The following HIKESHI variants were observed in gnomAD, a reference collection of about 807,000 sequenced individuals.
HIKESHI encodes the protein heat shock protein nuclear import factor hikeshi, also known as protein Hikeshi.
A neutral mutation model predicts 25.7 loss-of-function variants in HIKESHI; 13 were observed. The ratio of observed to expected loss-of-function variants is 0.51; its 90% CI spans 0.33 to 0.80. HIKESHI has a LOEUF of 0.80. Ranked by LOEUF, HIKESHI falls within the 30% of genes least tolerant of loss-of-function variation. The pLI is 0.02. For missense variants in HIKESHI, 174 were observed against 229.5 expected (o/e 0.76, Z 1.56); for synonymous variants, 76 against 78.7 (o/e 0.97, Z 0.18).
rs1440493611 is a variant in HIKESHI at position 86,302,405 on chromosome 11, C to T, written c.-44C>T. The T allele has an allele frequency of 6.4e-7, 1 of 1,550,826 alleles. No individual in the cohort carries two copies. Among genetic ancestry groups the T allele is most frequent in the East Asian group, 2.4e-5 (1 of 40,938 alleles). On this transcript the variant is annotated 5_prime_UTR_variant, in exon 1 of 5. Transcript: ENST00000278483. Reference sequence around the variant, plus strand: ...GGGCAGTAGCCCCAGGACTCCTAGTCGCCGGCTTCAGGTCACTGCCGGCTG... The same window carrying T: ...GGGCAGTAGCCCCAGGACTCCTAGTTGCCGGCTTCAGGTCACTGCCGGCTG...
intron 2 of HIKESHI, among the ~76,000 whole-genome samples, chr11:86,335,378 T>C (rs1344920965): frequency 6.6e-6 from 1 of 152,144 alleles, no homozygotes; most frequent in Non-Finnish European, 1.5e-5. Flanking sequence ...CCAGAAAGGT[T>C]GGGAATGAGA....
chr11:86,334,236 ATGTGTGTGTGTGTGTGTGTG>A (rs60951435), intron 2 of HIKESHI, among the ~76,000 whole-genome samples: 3 of 147,000 alleles, frequency 2.0e-5, no homozygotes, highest in Non-Finnish European at 3.0e-5. Flanking sequence ...TTTGTAAAAT[ATGTGTGTGTGTGTGTGTGTG>A]TGTGTGTGTG....
chr11:86,326,134 C>CT (rs1947276938), intron 2 of HIKESHI, among the ~76,000 whole-genome samples: 1 of 152,052 alleles, frequency 6.6e-6, no homozygotes, highest in Non-Finnish European at 1.5e-5. Flanking sequence ...CCTGTCTCTA[C>CT]TAAAAATACA....
intron 2 of HIKESHI, among the ~76,000 whole-genome samples, chr11:86,321,364 A>G (rs943106712): frequency 6.6e-6 from 1 of 152,164 alleles, no homozygotes. Flanking sequence ...TTTTTGGCTC[A>G]TAAAAATAAA....
chr11:86,312,443 C>T (rs1263450132), intron 2 of HIKESHI, among the ~76,000 whole-genome samples: 1 of 152,052 alleles, frequency 6.6e-6, no homozygotes, highest in Admixed American at 6.6e-5. Flanking sequence ...TTATTTTGAG[C>T]CTATGTGTGT....
intron 2 of HIKESHI, among the ~76,000 whole-genome samples, chr11:86,316,771 C>CTTTCTTTTTTTT (rs1946991963): frequency 1.5e-5 from 1 of 68,778 alleles, no homozygotes; most frequent in Admixed American, 1.9e-4. Context: ...CTGAAACATT[C>CTTTCTTTTTTTT]TTTTTTTTTT....
At chr11:86,344,910 T>C in intron 4 of HIKESHI, 189 bp downstream of exon 4, 1 of 535,716 alleles carries the variant, frequency 1.9e-6, no homozygotes, top group Non-Finnish European at 3.2e-6. Context: ...TTTTGTTATA[T>C]TGTCGCCATT....
At chr11:86,308,408 C>T (rs982219483) in intron 2 of HIKESHI, among the ~76,000 whole-genome samples, 2 of 143,548 alleles carry the variant, frequency 1.4e-5, no homozygotes, top group African/African-American at 2.5e-5. Flanking sequence ...CACACATACA[C>T]GTGCTAAGTG....
At chr11:86,332,017 G>C (rs1275772994) in intron 2 of HIKESHI, among the ~76,000 whole-genome samples, 1 of 135,746 alleles carries the variant, frequency 7.4e-6, no homozygotes, top group Admixed American at 8.0e-5. Context: ...GTCTTGCTCT[G>C]TCGCTCAGGC....
chr11:86,330,190 A>G lies in HIKESHI; in HGVS notation c.269-7189A>G, dbSNP rs116424313. ...ATTGTTAACTTTTCACAGTGTTCCA[A>G]GAATTAATATTACAGAAATAAATGT... On this transcript the variant is annotated intron_variant, in intron 2 of 4. Coordinates refer to ENST00000278483, the MANE Select transcript of HIKESHI (RefSeq NM_016401.4). Among the ~76,000 whole-genome samples the G allele has an allele frequency of 5.0e-3, 758 of 152,288 alleles. 7 individuals carry two copies. Among genetic ancestry groups the G allele is most frequent in the African/African-American group, 0.017 (706 of 41,560 alleles).
chr11:86,329,176 A>G (rs1189798112), intron 2 of HIKESHI, among the ~76,000 whole-genome samples: 1 of 130,088 alleles, frequency 7.7e-6, no homozygotes, highest in East Asian at 2.1e-4. Flanking sequence ...TTTAAAAGGA[A>G]AACGTGATGA....
At chr11:86,327,315 T>C (rs1947307439) in intron 2 of HIKESHI, among the ~76,000 whole-genome samples, 1 of 146,848 alleles carries the variant, frequency 6.8e-6, no homozygotes, top group African/African-American at 2.5e-5. Context: ...CTGGTTTTCC[T>C]TTTTTTTTTT....
At chr11:86,317,265 G>A (rs913067913) in intron 2 of HIKESHI, among the ~76,000 whole-genome samples, 1 of 152,172 alleles carries the variant, frequency 6.6e-6, no homozygotes, top group Non-Finnish European at 1.5e-5. Context: ...AAGAGGTTCA[G>A]TGAGCGGAGA....
chr11:86,344,858 G>A, intron 4 of HIKESHI, 137 bp downstream of exon 4: 2 of 609,548 alleles, frequency 3.3e-6, no homozygotes, highest in Non-Finnish European at 5.7e-6. Context: ...ATTAAAGTAT[G>A]TACTATAGAG....
intron 2 of HIKESHI, among the ~76,000 whole-genome samples, chr11:86,307,070 TAC>T: frequency 3.6e-5 from 1 of 27,786 alleles, no homozygotes. Context: ...ATGTGTAATA[TAC>T]ATCATGTATC....
chr11:86,321,448 G>A (rs1947143006), intron 2 of HIKESHI, among the ~76,000 whole-genome samples: 1 of 152,116 alleles, frequency 6.6e-6, no homozygotes, highest in African/African-American at 2.4e-5. Context: ...ATATCTAGGA[G>A]TAGAATGGCT....
At chr11:86,342,483 G>T (rs1947758639) in intron 3 of HIKESHI, among the ~76,000 whole-genome samples, 2 of 11,128 alleles carry the variant, frequency 1.8e-4, no homozygotes, top group African/African-American at 1.9e-3. Context: ...ATGTTCGTGT[G>T]TGTGTGTGTG....
intron 3 of HIKESHI, among the ~76,000 whole-genome samples, chr11:86,341,851 T>C (rs1193049301): frequency 6.6e-6 from 1 of 152,228 alleles, no homozygotes; most frequent in African/African-American, 2.4e-5. Flanking sequence ...TTCTTTTGTG[T>C]GTTTTAAAAA....
intron 2 of HIKESHI, among the ~76,000 whole-genome samples, chr11:86,336,559 G>T (rs1178517843): frequency 2.6e-5 from 4 of 152,108 alleles, no homozygotes; most frequent in Non-Finnish European, 4.4e-5. Flanking sequence ...AAATCTGCCG[G>T]TTCCTTGATC....
Sources: allele counts gnomAD v4.1 joint callset (sites outside exome capture counted in the v4.1 genomes callset), GRCh38; gene constraint gnomAD v4.1.1; transcripts MANE v1.5; gene names NCBI Gene and HGNC (gene_info 2026-07-23, HGNC 2026-07-21).